TMPRSS15: variants seen among roughly 807,000 people sequenced by gnomAD.
The protein encoded by TMPRSS15 is transmembrane serine protease 15.
A neutral mutation model predicts 125.3 loss-of-function variants in TMPRSS15; 128 were observed. The ratio of observed to expected loss-of-function variants is 1.02; its 90% CI spans 0.89 to 1.18. The LOEUF (loss-of-function observed/expected upper bound fraction) is 1.18. TMPRSS15 is among the 50% of genes most tolerant of loss of function. The pLI, the probability that TMPRSS15 is intolerant of heterozygous loss-of-function variation, is 0.00. For synonymous variants in TMPRSS15, 446 were observed against 423.2 expected (o/e 1.05, Z -0.66); for missense variants, 1,283 against 1,212.7 (o/e 1.06, Z -0.86).
chr21:18,278,653 T>C (rs995750434), intron 23 of TMPRSS15, among the ~76,000 whole-genome samples: 3 of 151,850 alleles, frequency 2.0e-5, no homozygotes, highest in East Asian at 1.9e-4. Flanking sequence ...ACCCGGGAGG[T>C]GGAGTTTGCA....
chr21:18,338,787 C>T (rs554375382), intron 13 of TMPRSS15, among the ~76,000 whole-genome samples: 11 of 151,768 alleles, frequency 7.2e-5, no homozygotes, highest in African/African-American at 2.7e-4. Context: ...TACTGATCAC[C>T]AATTATTGTG....
At chr21:18,278,857 T>C (rs537134918) in intron 23 of TMPRSS15, 107 bp downstream of exon 23, 35 of 666,034 alleles carry the variant, frequency 5.3e-5, no homozygotes, top group Non-Finnish European at 8.0e-5. Context: ...AAAACTGTTA[T>C]ATAAGAATTG....
At chr21:18,370,388 T>C (rs1483908568) in intron 6 of TMPRSS15, among the ~76,000 whole-genome samples, 1 of 152,150 alleles carries the variant, frequency 6.6e-6, no homozygotes, top group African/African-American at 2.4e-5. Context: ...GTTATGCCTT[T>C]TCCTCTATTT....
intron 1 of TMPRSS15, among the ~76,000 whole-genome samples, chr21:18,456,851 A>T (rs533297465): frequency 6.6e-6 from 1 of 152,256 alleles, no homozygotes; most frequent in African/African-American, 2.4e-5. Context: ...ATGAGTAATT[A>T]TTTCAAATGA....
chr21:18,349,626 C>T (rs971548868), intron 10 of TMPRSS15, among the ~76,000 whole-genome samples: 6 of 151,998 alleles, frequency 3.9e-5, no homozygotes, highest in Non-Finnish European at 7.4e-5. Flanking sequence ...AGAAAAACGC[C>T]CTTTGGAGAG....
At chr21:18,360,254 T>C (rs2075667375) in intron 7 of TMPRSS15, among the ~76,000 whole-genome samples, 1 of 152,180 alleles carries the variant, frequency 6.6e-6, no homozygotes, top group Non-Finnish European at 1.5e-5. Context: ...TTCTTCTATG[T>C]TGTATGATAT....
chr21:18,424,174 C>T (rs1456423990), intron 1 of TMPRSS15, among the ~76,000 whole-genome samples: 1 of 152,200 alleles, frequency 6.6e-6, no homozygotes, highest in Non-Finnish European at 1.5e-5. Context: ...TGAGGTCCTA[C>T]ATTTATTCTT....
chr21:18,325,685 C>CTGACATATTTG (rs2075281347), intron 16 of TMPRSS15, among the ~76,000 whole-genome samples: 1 of 151,928 alleles, frequency 6.6e-6, no homozygotes, highest in African/African-American at 2.4e-5. Flanking sequence ...CTGGAAAGAA[C>CTGACATATTTG]CACTGAGTTG....
rs1355356513 is a variant in TMPRSS15, at chr21:18,281,024, GA to G, written c.2668+15del. 1.3e-6 allele frequency: 2 copies of G among 1,578,204 alleles called. No individual in the cohort carries two copies. On this transcript the variant is annotated intron_variant, in intron 22 of 24. Coordinates refer to ENST00000284885, the MANE Select transcript of TMPRSS15 (RefSeq NM_002772.3). The stretch of plus-strand genomic sequence containing the variant: ...TTTGGCAGATAAGATGACTAAGAGT[GA>G]TTTTTTTTTTTTACCTGTGTAATTC...
At chr21:18,343,901 A>AGGCAATGT in intron 11 of TMPRSS15, 54 bp downstream of exon 11, 1 of 1,510,584 alleles carries the variant, frequency 6.6e-7, no homozygotes, top group Non-Finnish European at 9.2e-7. Flanking sequence ...GGCCTGAGCA[A>AGGCAATGT]GGCAATGTTA....
At chr21:18,453,889 C>G (rs1013057431) in intron 1 of TMPRSS15, among the ~76,000 whole-genome samples, 2 of 152,104 alleles carry the variant, frequency 1.3e-5, no homozygotes, top group African/African-American at 2.4e-5. Context: ...ATGAAATTAG[C>G]CAATCACAGA....
At chr21:18,465,564 C>T (rs2122955596) in intron 1 of TMPRSS15, among the ~76,000 whole-genome samples, 1 of 152,294 alleles carries the variant, frequency 6.6e-6, no homozygotes, top group African/African-American at 2.4e-5. Context: ...TCAGCAAAGT[C>T]TCAGGATACA....
intron 10 of TMPRSS15, among the ~76,000 whole-genome samples, chr21:18,347,314 C>A (rs1424312435): frequency 1.3e-5 from 2 of 152,124 alleles, no homozygotes; most frequent in Non-Finnish European, 2.9e-5. Flanking sequence ...TGGTTCATTG[C>A]AACCTCTGCC....
intron 24 of TMPRSS15, among the ~76,000 whole-genome samples, chr21:18,271,288 A>G (rs2074552449): frequency 6.6e-6 from 1 of 152,236 alleles, no homozygotes. Flanking sequence ...ATTTTATATG[A>G]CTTGGAAATT....
At chr21:18,283,131 T>G (rs2074721291) in intron 21 of TMPRSS15, among the ~76,000 whole-genome samples, 1 of 152,134 alleles carries the variant, frequency 6.6e-6, no homozygotes, top group African/African-American at 2.4e-5. Flanking sequence ...ATCTTGATAA[T>G]TTCAGACAGC....
At chr21:18,436,133 T>C (rs1276282996) in intron 1 of TMPRSS15, among the ~76,000 whole-genome samples, 2 of 149,492 alleles carry the variant, frequency 1.3e-5, no homozygotes, top group Non-Finnish European at 1.5e-5. Flanking sequence ...CTATTTCCTT[T>C]AGTTCTGCTC....
At chr21:18,349,050 T>A (rs2075537599) in intron 10 of TMPRSS15, among the ~76,000 whole-genome samples, 1 of 152,296 alleles carries the variant, frequency 6.6e-6, no homozygotes, top group East Asian at 1.9e-4. Flanking sequence ...TGGCTAAGAC[T>A]CCAGGGTCTG....
intron 21 of TMPRSS15, among the ~76,000 whole-genome samples, chr21:18,281,880 A>G (rs550225558): frequency 2.0e-5 from 3 of 151,986 alleles, no homozygotes; most frequent in South Asian, 4.2e-4. Flanking sequence ...GGCGGATCAC[A>G]AGGTCAGGGG....
intron 1 of TMPRSS15, among the ~76,000 whole-genome samples, chr21:18,424,694 G>A (rs1196275932): frequency 6.6e-6 from 1 of 151,934 alleles, no homozygotes; most frequent in Non-Finnish European, 1.5e-5. Context: ...GCAAATGAAT[G>A]CATTATTCTT....
Sources: allele counts gnomAD v4.1 joint callset (sites outside exome capture counted in the v4.1 genomes callset), GRCh38; gene constraint gnomAD v4.1.1; transcripts MANE v1.5; gene names NCBI Gene and HGNC (gene_info 2026-07-23, HGNC 2026-07-21).